The following CPN2 variants were observed in gnomAD, a reference collection of about 807,000 sequenced individuals.
CPN2 encodes the protein carboxypeptidase N 83 kDa chain.
For missense variants in CPN2, 620 were observed against 671.4 expected (o/e 0.92, Z 0.85); for synonymous variants, 336 against 318.4 (o/e 1.06, Z -0.59).
At chr3:194,351,049 CT>C (rs948602680) in intron 1 of CPN2, among the ~76,000 whole-genome samples, 192 bp downstream of exon 1, 5 of 152,218 alleles carry the variant, frequency 3.3e-5, no homozygotes, top group African/African-American at 1.2e-4. Flanking sequence ...CCCGCCCCAC[CT>C]TCCTCCTGCC....
chr3:194,342,517 G>A lies in CPN2; in HGVS notation c.186C>T (p.Thr62=). 1 of 1,614,174 alleles carries A rather than the reference G, an allele frequency of 6.2e-7. No homozygotes were observed. The highest frequency in any genetic ancestry group is 8.5e-7 in the Non-Finnish European group (1 of 1,180,030). ...KNIIFVETSF[T]TLETRAFGSN... Reference sequence around the variant, plus strand: ...TGCCAAAAGCTCTGGTTTCCAATGTGGTGAACGAGGTCTCCACAAAGATGA... The same window carrying A: ...TGCCAAAAGCTCTGGTTTCCAATGTAGTGAACGAGGTCTCCACAAAGATGA... The change falls in exon 2 of 2, where the codon ACC becomes ACT. Residue 62 remains threonine, a synonymous_variant. Transcript: ENST00000323830.
At position 194,341,922 on chromosome 3, in the gene CPN2, A is replaced by C. The variant is rs762370862; in HGVS notation, c.781T>G (p.Phe261Val). 4 of 1,614,148 alleles carry C rather than the reference A, an allele frequency of 2.5e-6. No homozygotes were observed. In the South Asian group the frequency reaches 4.4e-5, roughly 18 times the overall value. Reference sequence around the variant, plus strand: ...AAGGTCAGATTACCCAGGGAGGCAAAGATGGAGAGCGGCAGGTGCGTGATG... The same window carrying C: ...AAGGTCAGATTACCCAGGGAGGCAACGATGGAGAGCGGCAGGTGCGTGATG... ...NAITHLPLSIFASLGNLTFLS... is the reference protein window; with the variant it reads ...NAITHLPLSIVASLGNLTFLS... Residue 261 changes from phenylalanine (F) to valine (V), a missense_variant, in exon 2 of 2, where the codon TTT (phenylalanine) becomes GTT (valine). Phe to Val is a conservative substitution (Grantham distance 50). Coordinates refer to ENST00000323830, the MANE Select transcript of CPN2 (RefSeq NM_001080513.4).
In CPN2 at chr3:194,342,257, G is replaced by T; in HGVS notation, c.446C>A (p.Ser149Tyr). 6.2e-7 allele frequency: 1 copy of T among 1,613,888 alleles called. No homozygotes were observed. Among genetic ancestry groups the T allele is most frequent in the South Asian group, 1.1e-5 (1 of 91,066 alleles). ...GLFQHLAALE[S>Y]LHLQGNQLQA... ...GAGCTGGTTCCCCTGCAGGTGGAGG[G>T]ACTCCAGGGCAGCCAGGTGCTGGAA... The change falls in exon 2 of 2, where the codon TCC becomes TAC. Residue 149 changes from serine to tyrosine, a missense_variant. Physicochemically the swap from Ser to Tyr is moderately radical, Grantham distance 144. Coordinates refer to ENST00000323830, the MANE Select transcript of CPN2 (RefSeq NM_001080513.4).
At position 194,342,616 on chromosome 3, in the gene CPN2, G is replaced by A. The variant is rs779920381; in HGVS notation, c.87C>T (p.Phe29=). ...AQPCPMGCDC[F]VQEVFCSDEE... ...CATCTGAGCAGAACACCTCCTGGAC[G>A]AAGCAGTCACAACCCATGGGACAGG... is the stretch of plus-strand genomic sequence containing the variant. The change falls in exon 2 of 2, where the codon TTC becomes TTT. Residue 29 remains phenylalanine (F), a synonymous_variant. Coordinates refer to ENST00000323830, the MANE Select transcript of CPN2 (RefSeq NM_001080513.4). 28 of 1,613,794 alleles carry A rather than the reference G, an allele frequency of 1.7e-5. No homozygotes were observed. The highest frequency in any genetic ancestry group is 8.3e-5 in the Admixed American group (5 of 60,006).
In CPN2 at chr3:194,342,310, G is replaced by T; in HGVS notation, c.393C>A (p.Asn131Lys). ...TSLGKLTLNFNMLEALPEGLF... is the reference protein window; with the variant it reads ...TSLGKLTLNFKMLEALPEGLF... ...GACCCTCGGGCAGAGCCTCCAGCATGTTGAAGTTGAGGGTGAGCTTGCCCA... is the reference window on the plus strand; with the variant it reads ...GACCCTCGGGCAGAGCCTCCAGCATTTTGAAGTTGAGGGTGAGCTTGCCCA... The change falls in exon 2 of 2, where the codon AAC (asparagine) becomes AAA (lysine). Residue 131 changes from asparagine (N) to lysine (K), a missense_variant. Transcript: ENST00000323830. 1 of 1,614,102 alleles carries T rather than the reference G, an allele frequency of 6.2e-7. No homozygotes were observed. The highest frequency in any genetic ancestry group is 8.5e-7 in the Non-Finnish European group (1 of 1,180,008).
At chr3:194,344,706 AAATT>A (rs1236053722) in intron 1 of CPN2, among the ~76,000 whole-genome samples, 2 of 152,106 alleles carry the variant, frequency 1.3e-5, no homozygotes, top group Non-Finnish European at 2.9e-5. Context: ...AAAAATAAAT[AAATT>A]AATTAAAATA....
At chr3:194,342,829 C>G (rs573913858) in intron 1 of CPN2, 124 bp from the exon 2 acceptor site, 1 of 566,124 alleles carries the variant, frequency 1.8e-6, no homozygotes, top group African/African-American at 1.9e-5. Context: ...CTCCAACATG[C>G]GGCAGGACCA....
intron 1 of CPN2, among the ~76,000 whole-genome samples, chr3:194,345,624 G>A (rs752384212): frequency 1.4e-4 from 22 of 152,246 alleles, no homozygotes; most frequent in Admixed American, 2.6e-4. Context: ...GACAACGCTG[G>A]GGCCTGTGGG....
Position 194,342,528 on chromosome 3 carries a change from T to A in CPN2, c.175A>T (p.Thr59Ser), listed in dbSNP as rs1163329832. 1 of 1,613,956 alleles carries A rather than the reference T, an allele frequency of 6.2e-7. No homozygotes were observed. Among genetic ancestry groups the A allele is most frequent in the Non-Finnish European group, 8.5e-7 (1 of 1,179,986 alleles). ...CTGGTTTCCAATGTGGTGAACGAGG[T>A]CTCCACAAAGATGATGTTTTTCGTA... ...PYTKNIIFVE[T>S]SFTTLETRAF... Residue 59 changes from threonine (T) to serine (S), a missense_variant, in exon 2 of 2, where the codon ACC (threonine) becomes TCC (serine). Thr to Ser is a moderately conservative substitution (Grantham distance 58, BLOSUM62 1). Coordinates refer to ENST00000323830, the MANE Select transcript of CPN2 (RefSeq NM_001080513.4).
chr3:194,341,799 C>T lies in CPN2; in HGVS notation c.904G>A (p.Glu302Lys). The change falls in exon 2 of 2, where the codon GAG becomes AAG. Residue 302 changes from glutamate to lysine, a missense_variant. Glu to Lys is a moderately conservative substitution (Grantham distance 56). Transcript: ENST00000323830. ...GCAAAGGTGCCCTCAGCGACAGTCT[C>T]CAGCTGGTTATGGGTCAGAGACAGG... is the stretch of plus-strand genomic sequence containing the variant. ...VGLSLTHNQLETVAEGTFAHL... is the reference protein window; with the variant it reads ...VGLSLTHNQLKTVAEGTFAHL... 6 of 1,613,914 alleles carry T rather than the reference C, an allele frequency of 3.7e-6. No individual in the cohort carries two copies. Among genetic ancestry groups the T allele is most frequent in the Non-Finnish European group, 5.1e-6 (6 of 1,179,846 alleles).
rs79440079 is a variant in CPN2, at chr3:194,343,261, C to T, written c.-3-556G>A. 2.8e-4 allele frequency among the ~76,000 whole-genome samples: 43 copies of T among 152,342 alleles called. No homozygotes were observed. The East Asian group carries it at 5.4e-3, about 19-fold the overall frequency. On this transcript the variant is annotated intron_variant, in intron 1 of 1. Coordinates refer to ENST00000323830, the MANE Select transcript of CPN2 (RefSeq NM_001080513.4). ...AAGGACCCCAGACCTGGGGATTCTA[C>T]AGAACAGTAGATTTCTTTAAAATTC...
In CPN2 at chr3:194,341,191, G is replaced by A. The variant is rs1712796333; in HGVS notation, c.1512C>T (p.Val504=). Residue 504 remains valine (V), a synonymous_variant, in exon 2 of 2, where the codon GTC becomes GTT. Transcript: ENST00000323830. ...GGGAGCCCTGCTGAGGAGAGAGCTGGACGTTCAGCCAGCGACACTGGGCCT... is the reference window on the plus strand; with the variant it reads ...GGGAGCCCTGCTGAGGAGAGAGCTGAACGTTCAGCCAGCGACACTGGGCCT... ...CDQAQCRWLN[V]QLSPQQGSLG... 6.2e-7 allele frequency: 1 copy of A among 1,613,392 alleles called. No individual in the cohort carries two copies. Among genetic ancestry groups the A allele is most frequent in the Non-Finnish European group, 8.5e-7 (1 of 1,180,002 alleles).
rs560891905 is a variant in CPN2 at position 194,339,810 on chromosome 3, T to G, written c.*1255A>C. The G allele has an allele frequency of 5.4e-4, 82 of 152,368 alleles. No individual in the cohort carries two copies. Among genetic ancestry groups the G allele is most frequent in the African/African-American group, 1.7e-3 (69 of 41,580 alleles). 9.4% of individuals were successfully genotyped at this position (152,368 alleles called of 1,614,324 possible). A position where few individuals can be genotyped will look rare whatever the true frequency, so the allele number is the denominator to read the frequency against. On this transcript the variant is annotated 3_prime_UTR_variant, in exon 2 of 2. Coordinates refer to ENST00000323830, the MANE Select transcript of CPN2 (RefSeq NM_001080513.4). The stretch of plus-strand genomic sequence containing the variant: ...ATTCTGAGCCAAATATGAGTGGCCA[T>G]GGCCCGTGACACAGACCTCAGGAGG...
At chr3:194,349,869 T>C (rs1443768821) in intron 1 of CPN2, among the ~76,000 whole-genome samples, 3 of 137,896 alleles carry the variant, frequency 2.2e-5, no homozygotes, top group African/African-American at 8.3e-5. Context: ...TGACGCCATC[T>C]CTGCTCACTG....
chr3:194,343,885 G>C (rs879899482), intron 1 of CPN2, among the ~76,000 whole-genome samples: 19 of 152,008 alleles, frequency 1.2e-4, no homozygotes, highest in Non-Finnish European at 2.5e-4. Context: ...TTACAGAAAA[G>C]GTTATTTGAA....
Position 194,341,767 on chromosome 3 carries a change from C to A in CPN2, c.936G>T (p.Leu312=). 6.2e-7 allele frequency: 1 copy of A among 1,614,046 alleles called. No individual in the cohort carries two copies. The highest frequency in any genetic ancestry group is 8.5e-7 in the Non-Finnish European group (1 of 1,180,016). Residue 312 remains leucine, a synonymous_variant, in exon 2 of 2, where the codon CTG becomes CTT. Transcript: ENST00000323830. ...ETVAEGTFAH[L]SNLRSLMLSY... Reference sequence around the variant, plus strand: ...AGAGCATGAGGGAACGCAGGTTGGACAGGTGGGCAAAGGTGCCCTCAGCGA... The same window carrying A: ...AGAGCATGAGGGAACGCAGGTTGGAAAGGTGGGCAAAGGTGCCCTCAGCGA...
At position 194,342,514 on chromosome 3, in the gene CPN2, T is replaced by C. The variant is rs1456711242; in HGVS notation, c.189A>G (p.Thr63=). 17 of 1,614,076 alleles carry C rather than the reference T, an allele frequency of 1.1e-5. No individual in the cohort carries two copies. Among genetic ancestry groups the C allele is most frequent in the Middle Eastern group, 1.6e-4 (1 of 6,084 alleles). The change falls in exon 2 of 2, where the codon ACA becomes ACG. Residue 63 remains threonine (T), a synonymous_variant. Coordinates refer to ENST00000323830, the MANE Select transcript of CPN2 (RefSeq NM_001080513.4). Reference sequence around the variant, plus strand: ...TACTGCCAAAAGCTCTGGTTTCCAATGTGGTGAACGAGGTCTCCACAAAGA... The same window carrying C: ...TACTGCCAAAAGCTCTGGTTTCCAACGTGGTGAACGAGGTCTCCACAAAGA... ...NIIFVETSFT[T]LETRAFGSNP...
intron 1 of CPN2, among the ~76,000 whole-genome samples, chr3:194,347,240 A>G (rs567721341): frequency 1.3e-5 from 2 of 151,960 alleles, no homozygotes; most frequent in South Asian, 4.2e-4. Flanking sequence ...GGCTGGGTGC[A>G]AATGAGCTCC....
chr3:194,348,346 G>A lies in CPN2; in HGVS notation c.-4+2896C>T, dbSNP rs1463918564. 2.7e-5 allele frequency among the ~76,000 whole-genome samples: 4 copies of A among 149,990 alleles called. 1 individual carries two copies. In the Admixed American group the frequency reaches 2.7e-4, roughly 10 times the overall value. ...TTCAGCCCACCCCATCCTCTGCCCA[G>A]TTGTGTCCCAGGGAGTGAAGCCACC... On this transcript the variant is annotated intron_variant, in intron 1 of 1. Transcript: ENST00000323830.
Sources: gnomAD v4.1 joint callset for allele counts (sites outside exome capture counted in the v4.1 genomes callset) on GRCh38, gnomAD v4.1.1 for gene constraint, MANE v1.5 for transcripts, NCBI Gene and HGNC (gene_info 2026-07-23, HGNC 2026-07-21) for gene names.